The following CMSS1 variants were observed in gnomAD, a reference collection of about 807,000 sequenced individuals.
CMSS1 encodes protein CMSS1.
CMSS1 carries 33 observed loss-of-function variants against 43.5 expected under a neutral mutation model. The observed-to-expected ratio is 0.76, with a 90% CI of 0.57 to 1.01. The LOEUF is 1.01. Ranked by LOEUF, CMSS1 falls within the 50% of genes least tolerant of loss-of-function variation. CMSS1 has a pLI of 0.00. For missense variants in CMSS1, 313 were observed against 326.4 expected (o/e 0.96, Z 0.32); for synonymous variants, 115 against 117.2 (o/e 0.98, Z 0.12).
chr3:100,114,182 T>A (rs1236116598), intron 1 of CMSS1: 1 of 152,012 alleles, frequency 6.6e-6, no homozygotes, highest in Non-Finnish European at 1.5e-5. Flanking sequence ...CCTCTCAGTT[T>A]TTGTTTTGTA....
chr3:100,094,028 C>T (rs2066159800), intron 1 of CMSS1, among the ~76,000 whole-genome samples: 1 of 152,178 alleles, frequency 6.6e-6, no homozygotes, highest in Admixed American at 6.5e-5. Flanking sequence ...GTTACTGTAC[C>T]AACTTACATT....
chr3:99,826,199 T>A (rs1942533417), intron 1 of CMSS1, among the ~76,000 whole-genome samples: 1 of 152,254 alleles, frequency 6.6e-6, no homozygotes, highest in Non-Finnish European at 1.5e-5. Context: ...CCCATTTTTA[T>A]CAGCTTTCAT....
intron 1 of CMSS1, among the ~76,000 whole-genome samples, chr3:99,939,895 A>G (rs914548895): frequency 6.6e-6 from 1 of 152,104 alleles, no homozygotes; most frequent in Non-Finnish European, 1.5e-5. Flanking sequence ...TTTTTTCTCT[A>G]TGCTCATGCT....
intron 1 of CMSS1, among the ~76,000 whole-genome samples, chr3:100,020,418 G>A (rs1008478071): frequency 1.4e-4 from 22 of 152,124 alleles, no homozygotes; most frequent in African/African-American, 5.3e-4. Context: ...TATTCCCTCT[G>A]TAGTCACTGA....
chr3:99,931,065 G>A (rs1559693081), intron 1 of CMSS1: 2 of 1,580,072 alleles, frequency 1.3e-6, no homozygotes, highest in Non-Finnish European at 1.7e-6. Context: ...AAAGCTTAAT[G>A]GAAATGGAGT....
chr3:99,849,586 T>C, intron 1 of CMSS1: 1 of 1,613,694 alleles, frequency 6.2e-7, no homozygotes, highest in Non-Finnish European at 8.5e-7. Flanking sequence ...CCATTGTTCA[T>C]GGCTGGTCTC....
At chr3:99,945,872 C>T (rs1246893961) in intron 1 of CMSS1, among the ~76,000 whole-genome samples, 1 of 152,198 alleles carries the variant, frequency 6.6e-6, no homozygotes, top group African/African-American at 2.4e-5. Flanking sequence ...AACCTCTTGT[C>T]ACAGAGCCAG....
intron 1 of CMSS1, among the ~76,000 whole-genome samples, chr3:99,923,561 C>G (rs1037711910): frequency 1.3e-5 from 2 of 152,176 alleles, no homozygotes; most frequent in African/African-American, 4.8e-5. Flanking sequence ...ATAAGTAGTT[C>G]ATGCGCACAC....
intron 1 of CMSS1, among the ~76,000 whole-genome samples, chr3:99,972,514 A>G (rs770513524): frequency 2.0e-5 from 3 of 152,208 alleles, no homozygotes; most frequent in Non-Finnish European, 4.4e-5. Flanking sequence ...GATTGGTGAC[A>G]CGGCCTCATT....
At chr3:100,091,602 C>T (rs1242062572) in intron 1 of CMSS1, among the ~76,000 whole-genome samples, 1 of 152,240 alleles carries the variant, frequency 6.6e-6, no homozygotes, top group African/African-American at 2.4e-5. Flanking sequence ...GCCTGACTTA[C>T]ATTACAAAAG....
chr3:99,820,259 C>T (rs138303596), intron 1 of CMSS1, among the ~76,000 whole-genome samples: 179 of 151,008 alleles, frequency 1.2e-3, no homozygotes, highest in African/African-American at 3.9e-3. Flanking sequence ...TACAGTGGTG[C>T]GATCTCAGTT....
At chr3:99,879,683 C>T (rs1410817245) in intron 1 of CMSS1, among the ~76,000 whole-genome samples, 1 of 152,150 alleles carries the variant, frequency 6.6e-6, no homozygotes, top group Non-Finnish European at 1.5e-5. Flanking sequence ...CGCTCTGCTC[C>T]CTAGGAGCTC....
rs570851053 is a variant in CMSS1, at chr3:100,051,819, C to T, written c.65-95154C>T. 4.0e-5 allele frequency among the ~76,000 whole-genome samples: 6 copies of T among 149,668 alleles called. No individual in the cohort carries two copies. In the East Asian group the frequency reaches 9.8e-4, roughly 24 times the overall value. On this transcript the variant is annotated intron_variant, in intron 1 of 9. Transcript: ENST00000421999. ...TGAATAGTGCCAATGGCTTATATTTCTAAAAACAAACATTTTATTATATAT... is the reference window on the plus strand; with the variant it reads ...TGAATAGTGCCAATGGCTTATATTTTTAAAAACAAACATTTTATTATATAT...
intron 1 of CMSS1, among the ~76,000 whole-genome samples, chr3:100,090,697 AT>A (rs2066089105): frequency 6.6e-6 from 1 of 152,144 alleles, no homozygotes. Context: ...ATAAGGCTGT[AT>A]TTAATTAGGA....
chr3:100,005,922 C>T (rs1232770547), intron 1 of CMSS1, among the ~76,000 whole-genome samples: 1 of 152,160 alleles, frequency 6.6e-6, no homozygotes, highest in Non-Finnish European at 1.5e-5. Flanking sequence ...CACAGACCAG[C>T]TGTGTCCCCA....
chr3:99,818,844 A>G (rs1265432467), intron 1 of CMSS1, among the ~76,000 whole-genome samples: 1 of 152,232 alleles, frequency 6.6e-6, no homozygotes, highest in African/African-American at 2.4e-5. Flanking sequence ...TGGGCATTTC[A>G]TCCCCAAGTA....
intron 1 of CMSS1, among the ~76,000 whole-genome samples, chr3:99,906,430 C>G (rs1309665874): frequency 6.6e-6 from 1 of 152,012 alleles, no homozygotes; most frequent in African/African-American, 2.4e-5. Context: ...GTATGTGAGT[C>G]TTTTGTTGGT....
At chr3:99,951,305 A>G (rs958580127) in intron 1 of CMSS1, among the ~76,000 whole-genome samples, 1 of 152,140 alleles carries the variant, frequency 6.6e-6, no homozygotes, top group African/African-American at 2.4e-5. Context: ...TAGCTATTTT[A>G]CTTACATCTA....
At chr3:99,900,726 A>G (rs1399879369) in intron 1 of CMSS1, among the ~76,000 whole-genome samples, 1 of 152,214 alleles carries the variant, frequency 6.6e-6, no homozygotes, top group African/African-American at 2.4e-5. Context: ...GCTGATACTC[A>G]AACTGAGCTG....
Sources: gnomAD v4.1 joint callset for allele counts (sites outside exome capture counted in the v4.1 genomes callset) on GRCh38, gnomAD v4.1.1 for gene constraint, MANE v1.5 for transcripts, NCBI Gene and HGNC (gene_info 2026-07-23, HGNC 2026-07-21) for gene names.